DPP10: variants seen among roughly 807,000 people sequenced by gnomAD.
DPP10 encodes inactive dipeptidyl peptidase 10.
DPP10 carries 33 observed loss-of-function variants against 120.9 expected under a neutral mutation model. The observed-to-expected ratio is 0.27, with a 90% CI of 0.21 to 0.37. DPP10 has a LOEUF of 0.37. Ranked by LOEUF, DPP10 falls within the 10% of genes least tolerant of loss-of-function variation. The pLI, the probability that DPP10 is intolerant of heterozygous loss-of-function variation, is 1.00. For synonymous variants in DPP10, 337 were observed against 326.1 expected, an observed-to-expected ratio of 1.03 and a Z score of -0.36; for missense variants, 816 against 942.8, an observed-to-expected ratio of 0.87 and a Z score of 1.76.
intron 3 of DPP10, among the ~76,000 whole-genome samples, chr2:115,457,025 T>C (rs1338981724): frequency 6.6e-6 from 1 of 151,930 alleles, no homozygotes; most frequent in Admixed American, 6.6e-5. Context: ...AAACTTACTA[T>C]AATGTTACAG....
At chr2:114,867,919 C>A (rs1198472123) in intron 1 of DPP10, among the ~76,000 whole-genome samples, 1 of 152,100 alleles carries the variant, frequency 6.6e-6, no homozygotes, top group East Asian at 1.9e-4. Flanking sequence ...CAGGGGTAAC[C>A]CAGATTTGAT....
At chr2:115,541,776 GA>G (rs2079185137) in intron 5 of DPP10, among the ~76,000 whole-genome samples, 1 of 151,722 alleles carries the variant, frequency 6.6e-6, no homozygotes, top group Non-Finnish European at 1.5e-5. Context: ...ATATAGCACA[GA>G]ACAAAACAAA....
chr2:114,972,769 T>C (rs1699480814), intron 1 of DPP10, among the ~76,000 whole-genome samples: 1 of 152,178 alleles, frequency 6.6e-6, no homozygotes, highest in African/African-American at 2.4e-5. Flanking sequence ...ATTGTCTAAG[T>C]CACATGTCAA....
At chr2:115,564,149 T>G (rs1229515798) in intron 5 of DPP10, among the ~76,000 whole-genome samples, 4 of 152,050 alleles carry the variant, frequency 2.6e-5, no homozygotes, top group Non-Finnish European at 4.4e-5. Flanking sequence ...AATAAACATA[T>G]TCCAATTATG....
chr2:114,971,919 C>T (rs1049902515), intron 1 of DPP10, among the ~76,000 whole-genome samples: 1 of 152,078 alleles, frequency 6.6e-6, no homozygotes, highest in Admixed American at 6.5e-5. Flanking sequence ...CCAAGGCACC[C>T]CCAGGACTCA....
intron 1 of DPP10, among the ~76,000 whole-genome samples, chr2:115,283,066 T>G (rs1480506601): frequency 6.6e-6 from 1 of 152,052 alleles, no homozygotes; most frequent in Non-Finnish European, 1.5e-5. Context: ...TTTTCTAATC[T>G]GGCCATGTTT....
chr2:115,081,494 C>T (rs1348559280), intron 1 of DPP10, among the ~76,000 whole-genome samples: 2 of 152,058 alleles, frequency 1.3e-5, no homozygotes, highest in Non-Finnish European at 2.9e-5. Flanking sequence ...GGTTCCCTGT[C>T]CTCTGCAGAT....
intron 1 of DPP10, among the ~76,000 whole-genome samples, chr2:114,704,622 A>T (rs1023794769): frequency 9.2e-5 from 14 of 152,118 alleles, no homozygotes; most frequent in African/African-American, 3.4e-4. Flanking sequence ...CAATAATATT[A>T]TTTTGCAATT....
intron 1 of DPP10, among the ~76,000 whole-genome samples, chr2:115,303,015 G>A (rs1253820319): frequency 6.6e-6 from 1 of 151,936 alleles, no homozygotes; most frequent in Non-Finnish European, 1.5e-5. Context: ...CTGATGTCTT[G>A]TAGGAAACCA....
At chr2:115,052,940 A>G (rs1259031959) in intron 1 of DPP10, among the ~76,000 whole-genome samples, 1 of 134,870 alleles carries the variant, frequency 7.4e-6, no homozygotes, top group Non-Finnish European at 1.6e-5. Flanking sequence ...TGACAGAGGG[A>G]GACTCCATCT....
chr2:114,835,031 A>G (rs1379996639), intron 1 of DPP10: 2 of 150,232 alleles, frequency 1.3e-5, no homozygotes, highest in Non-Finnish European at 3.0e-5. Context: ...CTACACACCT[A>G]TGTACATATC....
intron 1 of DPP10, among the ~76,000 whole-genome samples, chr2:114,892,107 G>T (rs928583167): frequency 5.9e-5 from 9 of 152,160 alleles, no homozygotes; most frequent in Admixed American, 2.0e-4. Context: ...GGCCAGAGTT[G>T]TTGGAAGACT....
At chr2:114,830,595 G>A (rs1687014242) in intron 1 of DPP10, among the ~76,000 whole-genome samples, 1 of 152,142 alleles carries the variant, frequency 6.6e-6, no homozygotes, top group African/African-American at 2.4e-5. Flanking sequence ...CTAGCACACA[G>A]TAGGTTCATA....
intron 1 of DPP10, among the ~76,000 whole-genome samples, chr2:115,000,132 G>GT (rs1574665417): frequency 6.6e-6 from 1 of 150,560 alleles, no homozygotes; most frequent in Non-Finnish European, 1.5e-5. Flanking sequence ...CATTTATGGG[G>GT]TTTTTTTTCT....
At chr2:115,693,600 G>A (rs1005034456) in intron 7 of DPP10, among the ~76,000 whole-genome samples, 1 of 151,900 alleles carries the variant, frequency 6.6e-6, no homozygotes, top group Non-Finnish European at 1.5e-5. Context: ...CAAAATAATA[G>A]CACTTTGATA....
intron 1 of DPP10, among the ~76,000 whole-genome samples, chr2:114,671,327 T>C (rs1172003594): frequency 6.6e-6 from 1 of 152,154 alleles, no homozygotes; most frequent in Non-Finnish European, 1.5e-5. Context: ...TTAAGTGTCA[T>C]GTGACTCTAT....
intron 5 of DPP10, among the ~76,000 whole-genome samples, chr2:115,593,120 A>G (rs1335318145): frequency 6.6e-6 from 1 of 152,144 alleles, no homozygotes; most frequent in African/African-American, 2.4e-5. Context: ...ATATTGTTTA[A>G]ATCTTCTTTA....
chr2:114,962,320 A>G (rs978671160), intron 1 of DPP10, among the ~76,000 whole-genome samples: 4 of 152,142 alleles, frequency 2.6e-5, no homozygotes, highest in African/African-American at 9.7e-5. Context: ...ATGTGACGGT[A>G]AAAGAAACTA....
intron 1 of DPP10, among the ~76,000 whole-genome samples, chr2:115,180,470 C>T (rs2054000738): frequency 6.6e-6 from 1 of 152,126 alleles, no homozygotes; most frequent in Admixed American, 6.5e-5. Context: ...AATCCAGGAT[C>T]TTTAGGTCAA....
Sources: gnomAD v4.1 joint callset for allele counts (sites outside exome capture counted in the v4.1 genomes callset) on GRCh38, gnomAD v4.1.1 for gene constraint, MANE v1.5 for transcripts, NCBI Gene and HGNC (gene_info 2026-07-23, HGNC 2026-07-21) for gene names.